ENTREP2: variants seen among roughly 807,000 people sequenced by gnomAD.
ENTREP2 encodes the protein protein ENTREP2.
chr15:29,449,025 T>G, the ENTREP2 span, among the ~76,000 whole-genome samples: 1 of 152,158 alleles, frequency 6.6e-6, no homozygotes, highest in African/African-American at 2.4e-5. Flanking sequence ...AAACAAACAC[T>G]GTTACTGCAT....
At chr15:29,268,429 A>AG in the ENTREP2 span, 2 of 227,620 alleles carry the variant, frequency 8.8e-6, no homozygotes, top group South Asian at 3.5e-4. Context: ...TGGGGTAGTT[A>AG]GGAGACCTGA....
the ENTREP2 span, among the ~76,000 whole-genome samples, chr15:29,402,701 T>G: frequency 6.6e-6 from 1 of 152,146 alleles, no homozygotes; most frequent in African/African-American, 2.4e-5. Flanking sequence ...GGAAAGTGCA[T>G]AATTTCCCTT....
chr15:29,479,039 C>CAA, the ENTREP2 span, among the ~76,000 whole-genome samples: 29 of 102,164 alleles, frequency 2.8e-4, no homozygotes, highest in South Asian at 1.0e-3. Flanking sequence ...CTAAAAAATA[C>CAA]AAAAAAAAAA....
chr15:29,615,244 C>A, the ENTREP2 span, among the ~76,000 whole-genome samples: 1 of 152,022 alleles, frequency 6.6e-6, no homozygotes, highest in South Asian at 2.1e-4. Flanking sequence ...CAACCTCTGC[C>A]TTCCGGGTTC....
At chr15:29,501,721 A>C in the ENTREP2 span, among the ~76,000 whole-genome samples, 1 of 152,046 alleles carries the variant, frequency 6.6e-6, no homozygotes, top group African/African-American at 2.4e-5. Context: ...CCATACTGAA[A>C]AGGAAGAAGT....
the ENTREP2 span, among the ~76,000 whole-genome samples, chr15:29,449,371 G>A: frequency 6.6e-6 from 1 of 152,192 alleles, no homozygotes; most frequent in Non-Finnish European, 1.5e-5. Flanking sequence ...TCAGCTTGGG[G>A]AGGCCCAGGG....
the ENTREP2 span, among the ~76,000 whole-genome samples, chr15:29,362,444 G>A: frequency 3.5e-4 from 49 of 138,690 alleles, no homozygotes; most frequent in East Asian, 1.1e-3. Context: ...GCGCGATCTC[G>A]GCTCACTGCA....
chr15:29,276,434 A>G, the ENTREP2 span, among the ~76,000 whole-genome samples: 1 of 152,206 alleles, frequency 6.6e-6, no homozygotes, highest in Non-Finnish European at 1.5e-5. Flanking sequence ...CCCACCTTTA[A>G]AAGACCTTAG....
chr15:29,567,442 G>A, the ENTREP2 span, among the ~76,000 whole-genome samples: 1 of 152,100 alleles, frequency 6.6e-6, no homozygotes, highest in Non-Finnish European at 1.5e-5. Context: ...CTGCCTAATC[G>A]TTAGCAGGAG....
chr15:29,444,174 GAAAGAAAGAAAGAA>G, the ENTREP2 span, among the ~76,000 whole-genome samples: 238 of 29,728 alleles, frequency 8.0e-3, 5 homozygotes, highest in African/African-American at 0.03. Flanking sequence ...GACAGACAAA[GAAAGAAAGAAAGAA>G]AGAAAGAAAG....
the ENTREP2 span, among the ~76,000 whole-genome samples, chr15:29,280,469 A>C: frequency 6.6e-6 from 1 of 152,228 alleles, no homozygotes; most frequent in African/African-American, 2.4e-5. Context: ...AGAAGGAGGT[A>C]CAAAGAAGGC....
At chr15:29,223,120 C>A in the ENTREP2 span, among the ~76,000 whole-genome samples, 1 of 152,182 alleles carries the variant, frequency 6.6e-6, no homozygotes, top group African/African-American at 2.4e-5. Context: ...TGACTGGTCA[C>A]CTGACGGCCA....
At chr15:29,628,133 A>C in the ENTREP2 span, among the ~76,000 whole-genome samples, 2 of 152,230 alleles carry the variant, frequency 1.3e-5, no homozygotes, top group African/African-American at 4.8e-5. Context: ...TCACATCCTC[A>C]CCAACACTTG....
chr15:29,274,950 G>A, the ENTREP2 span, among the ~76,000 whole-genome samples: 6 of 152,302 alleles, frequency 3.9e-5, no homozygotes, highest in East Asian at 5.8e-4. Flanking sequence ...TTATTTTAAC[G>A]AAGTTGTTTG....
chr15:29,652,243 G>A, the ENTREP2 span, among the ~76,000 whole-genome samples: 1 of 152,262 alleles, frequency 6.6e-6, no homozygotes, highest in East Asian at 1.9e-4. Context: ...CAGCAGAGAG[G>A]GGCCACCCAC....
the ENTREP2 span, among the ~76,000 whole-genome samples, chr15:29,604,201 A>G: frequency 6.6e-6 from 1 of 152,228 alleles, no homozygotes; most frequent in Non-Finnish European, 1.5e-5. Context: ...TCATCAGTCT[A>G]CTTAGTAACC....
At chr15:29,652,380 C>T in the ENTREP2 span, among the ~76,000 whole-genome samples, 1,244 of 152,358 alleles carry the variant, frequency 8.2e-3, 21 homozygotes, top group African/African-American at 0.028. Flanking sequence ...TCATCTTGCT[C>T]ACCCTCCACT....
the ENTREP2 span, among the ~76,000 whole-genome samples, chr15:29,509,568 G>A: frequency 6.6e-6 from 1 of 152,080 alleles, no homozygotes; most frequent in African/African-American, 2.4e-5. Flanking sequence ...ACAGGCCAAT[G>A]GAACAGAACA....
the ENTREP2 span, among the ~76,000 whole-genome samples, chr15:29,390,065 G>T: frequency 2.6e-4 from 40 of 152,200 alleles, no homozygotes; most frequent in Non-Finnish European, 4.9e-4. Context: ...CCCAGGTGCT[G>T]GTGTGCCTCC....
Sources: allele counts gnomAD v4.1 joint callset (sites outside exome capture counted in the v4.1 genomes callset), GRCh38; gene constraint gnomAD v4.1.1; transcripts MANE v1.5; gene names NCBI Gene and HGNC (gene_info 2026-07-23, HGNC 2026-07-21).